The following PRPF6 variants were observed in gnomAD, a reference collection of about 807,000 sequenced individuals.
PRPF6 encodes pre-mRNA-processing factor 6.
PRPF6 carries 42 observed loss-of-function variants against 118.3 expected under a neutral mutation model. That is an observed-to-expected ratio of 0.35 (90% CI 0.28 to 0.46). The LOEUF (loss-of-function observed/expected upper bound fraction) is 0.46. Ranked by LOEUF, PRPF6 falls within the 20% of genes least tolerant of loss-of-function variation. PRPF6 has a pLI of 1.00. For missense variants in PRPF6, 662 were observed against 1,255.7 expected, an observed-to-expected ratio of 0.53 and a Z score of 7.15; for synonymous variants, 481 against 485.1, an observed-to-expected ratio of 0.99 and a Z score of 0.11.
chr20:63,986,369 G>A (rs545266507), intron 3 of PRPF6, among the ~76,000 whole-genome samples: 6 of 149,882 alleles, frequency 4.0e-5, no homozygotes, highest in Admixed American at 2.7e-4. Context: ...AAAAAAGATC[G>A]TTCATCATGA....
intron 12 of PRPF6, among the ~76,000 whole-genome samples, chr20:64,022,298 T>C (rs1049541454): frequency 6.6e-6 from 1 of 152,176 alleles, no homozygotes; most frequent in African/African-American, 2.4e-5. Context: ...AGTCCTGGAT[T>C]GTGGTTCTAC....
In PRPF6 at chr20:64,011,200, A is replaced by T; in HGVS notation, c.1306-85A>T. 2 of 1,280,876 alleles carry T rather than the reference A, an allele frequency of 1.6e-6. No homozygotes were observed. The highest frequency in any genetic ancestry group is 2.2e-6 in the Non-Finnish European group (2 of 893,896). The allele number at this position is 1,280,876 out of a possible 1,614,324, so 79.3% of individuals were successfully genotyped here. A position where few individuals can be genotyped will look rare whatever the true frequency, so the allele number is the denominator to read the frequency against. On this transcript the variant is annotated intron_variant, in intron 10 of 20. Transcript: ENST00000266079. This position sits in a 1 kb window ranked among gnomAD's most constrained non-coding sequence, Gnocchi z 6.7. ...GAGCTAAGAAAGAACGTGGTGGCCA[A>T]CGCTGGAGGGTGGGTCGCTGTCTGG...
chr20:64,011,143 C>T lies in PRPF6; in HGVS notation c.1306-142C>T. 1 of 737,346 alleles carries T rather than the reference C, an allele frequency of 1.4e-6. No homozygotes were observed. Among genetic ancestry groups the T allele is most frequent in the East Asian group, 2.7e-5 (1 of 37,132 alleles). 45.7% of individuals were successfully genotyped at this position (737,346 alleles called of 1,614,324 possible). On this transcript the variant is annotated intron_variant, in intron 10 of 20. Transcript: ENST00000266079. The surrounding 1 kb of genome is among the most constrained non-coding windows in gnomAD (Gnocchi z 6.7). ...GTCAGGTGAGAAGTGCTGCTGTGGA[C>T]ACTTCTCAGGCCATGTTCAGATGGT...
intron 9 of PRPF6, among the ~76,000 whole-genome samples, chr20:64,009,050 C>T (rs962708176): frequency 2.0e-5 from 3 of 151,808 alleles, no homozygotes; most frequent in East Asian, 1.9e-4. Context: ...TTCGGGAGGC[C>T]GAGGCGGGCG....
chr20:63,994,332 T>C (rs1476640321), intron 4 of PRPF6, among the ~76,000 whole-genome samples: 1 of 152,066 alleles, frequency 6.6e-6, no homozygotes, highest in Non-Finnish European at 1.5e-5. Flanking sequence ...TAATTTTGTA[T>C]TTTTAGTAGA....
chr20:64,029,777 T>A lies in PRPF6; in HGVS notation c.2546+286T>A, dbSNP rs139136713. 6.8e-3 allele frequency among the ~76,000 whole-genome samples: 756 copies of A among 110,928 alleles called. 3 individuals are homozygous for A. The highest frequency in any genetic ancestry group is 0.02 in the African/African-American group (721 of 36,138). The allele number at this position is 110,928 out of a possible 152,430, so 72.8% of individuals were successfully genotyped here. A position where few individuals can be genotyped will look rare whatever the true frequency, so the allele number is the denominator to read the frequency against. On this transcript the variant is annotated intron_variant, in intron 19 of 20. Transcript: ENST00000266079. This position sits in a 1 kb window ranked among gnomAD's most constrained non-coding sequence, Gnocchi z 4.8. ...TGGGGACGCGTGTGATTCACACTGG[T>A]GCGCTGGCCGCCAGGTCAGAGACTC... is the stretch of plus-strand genomic sequence containing the variant.
chr20:63,984,333 A>G (rs2059084224), intron 2 of PRPF6, among the ~76,000 whole-genome samples: 1 of 152,058 alleles, frequency 6.6e-6, no homozygotes, highest in South Asian at 2.1e-4. Flanking sequence ...AGGCAGAAGA[A>G]TGCTGTGAAC....
intron 1 of PRPF6, among the ~76,000 whole-genome samples, chr20:63,982,817 G>C (rs2059077333): frequency 6.6e-6 from 1 of 152,150 alleles, no homozygotes; most frequent in Admixed American, 6.5e-5. Context: ...GATGATCGAA[G>C]CCTTAGGGTG....
At chr20:64,021,530 T>G (rs562831402) in intron 12 of PRPF6, among the ~76,000 whole-genome samples, 1 of 148,994 alleles carries the variant, frequency 6.7e-6, no homozygotes, top group East Asian at 2.1e-4. Context: ...TGCATATGCC[T>G]CAGCCACAGC....
Position 63,995,263 on chromosome 20 carries a change from A to G in PRPF6, c.616-64A>G, listed in dbSNP as rs760530317. On this transcript the variant is annotated intron_variant, in intron 5 of 20. Transcript: ENST00000266079. ...CCACTGGGGAAGTATTTCAGAGAGTAAATTTCTTGGGCATGCAGTGCAAAC... is the reference window on the plus strand; with the variant it reads ...CCACTGGGGAAGTATTTCAGAGAGTGAATTTCTTGGGCATGCAGTGCAAAC... The G allele has an allele frequency of 4.4e-6, 7 of 1,575,076 alleles. No individual in the cohort carries two copies. The Admixed American group carries it at 5.6e-5, about 13-fold the overall frequency.
Position 64,029,362 on chromosome 20 carries a change from G to A in PRPF6, c.2432-15G>A. Reference sequence around the variant, plus strand: ...GCTGGAGTGCAAATCTTTGTTCTTTGTTTCTGAATTATAGGTATCCTGTGG... The same window carrying A: ...GCTGGAGTGCAAATCTTTGTTCTTTATTTCTGAATTATAGGTATCCTGTGG... On this transcript the variant is annotated splice_polypyrimidine_tract_variant and intron_variant, in intron 18 of 20. Coordinates refer to ENST00000266079, the MANE Select transcript of PRPF6 (RefSeq NM_012469.4). This position sits in a 1 kb window ranked among gnomAD's most constrained non-coding sequence, Gnocchi z 4.8. 1 of 1,611,474 alleles carries A rather than the reference G, an allele frequency of 6.2e-7. No individual in the cohort carries two copies. The highest frequency in any genetic ancestry group is 8.5e-7 in the Non-Finnish European group (1 of 1,177,754).
In PRPF6 at chr20:64,015,589, AC is replaced by A. The variant is rs1353507661; in HGVS notation, c.1525-1133del. Among the ~76,000 whole-genome samples, 6 of 152,344 alleles carry A rather than the reference AC, an allele frequency of 3.9e-5. No individual in the cohort carries two copies. In the East Asian group the frequency reaches 1.2e-3, roughly 29 times the overall value. ...GGTTATTGTTCTCTTGTTGGTAGAC[AC>A]ATTCTCTTGCACACATGGGAATATA... is the stretch of plus-strand genomic sequence containing the variant. On this transcript the variant is annotated intron_variant, in intron 11 of 20. Coordinates refer to ENST00000266079, the MANE Select transcript of PRPF6 (RefSeq NM_012469.4).
Position 64,029,698 on chromosome 20 carries a change from C to G in PRPF6, c.2546+207C>G, listed in dbSNP as rs538572292. ...TGAGGGTGCCGTGGTCAGAGACTCA[C>G]TGGGGACGCATGTGATTCACACTGG... On this transcript the variant is annotated intron_variant, in intron 19 of 20. Transcript: ENST00000266079. The surrounding 1 kb of genome is among the most constrained non-coding windows in gnomAD (Gnocchi z 4.8). Among the ~76,000 whole-genome samples, 152 of 112,828 alleles carry G rather than the reference C, an allele frequency of 1.3e-3. 1 individual carries two copies. Among genetic ancestry groups the G allele is most frequent in the Admixed American group, 4.7e-3 (42 of 8,934 alleles). The allele number at this position is 112,828 out of a possible 152,430, so 74.0% of individuals were successfully genotyped here.
At chr20:64,005,919 G>A (rs1407948736) in intron 9 of PRPF6, among the ~76,000 whole-genome samples, 1 of 152,038 alleles carries the variant, frequency 6.6e-6, no homozygotes, top group East Asian at 1.9e-4. Flanking sequence ...ATTTTTCAAA[G>A]AGACGAGGTC....
chr20:63,986,190 A>C (rs1476342782), intron 3 of PRPF6, among the ~76,000 whole-genome samples: 1 of 151,728 alleles, frequency 6.6e-6, no homozygotes, highest in Non-Finnish European at 1.5e-5. Flanking sequence ...AAAATACAAA[A>C]ATTAGCCGGG....
chr20:64,006,728 C>T (rs2022415), intron 9 of PRPF6, among the ~76,000 whole-genome samples: 113,891 of 152,024 alleles, frequency 0.75, 43,800 homozygotes, highest in East Asian at 0.96. Context: ...ATTCAGACAT[C>T]ACTGTTTATT....
chr20:63,981,514 C>T (rs1286764472), intron 1 of PRPF6, among the ~76,000 whole-genome samples, 198 bp downstream of exon 1: 1 of 152,196 alleles, frequency 6.6e-6, no homozygotes, highest in Non-Finnish European at 1.5e-5. Flanking sequence ...CTAGATGTGA[C>T]ACATTGACTC....
intron 3 of PRPF6, among the ~76,000 whole-genome samples, chr20:63,985,449 G>T (rs964700132): frequency 6.6e-6 from 1 of 152,176 alleles, no homozygotes; most frequent in Non-Finnish European, 1.5e-5. Flanking sequence ...TGAGGGTCTT[G>T]GTCTGTCGTA....
intron 3 of PRPF6, among the ~76,000 whole-genome samples, chr20:63,992,071 GTT>G (rs2059121150): frequency 1.3e-5 from 2 of 152,046 alleles, no homozygotes; most frequent in Non-Finnish European, 2.9e-5. Context: ...GATAGTTACT[GTT>G]TTTCCTTGTA....
Sources: allele counts gnomAD v4.1 joint callset (sites outside exome capture counted in the v4.1 genomes callset), GRCh38; gene constraint gnomAD v4.1.1; non-coding constraint Gnocchi (gnomAD v3.1); transcripts MANE v1.5; gene names NCBI Gene and HGNC (gene_info 2026-07-23, HGNC 2026-07-21).